GPC6: variants seen among roughly 807,000 people sequenced by gnomAD.
GPC6 encodes glypican-6.
Under a neutral mutation model 55.2 loss-of-function variants are expected in GPC6, and 14 were observed. The ratio of observed to expected loss-of-function variants is 0.25; its 90% CI spans 0.17 to 0.40. The LOEUF (loss-of-function observed/expected upper bound fraction) is 0.40, where lower values mean the gene tolerates loss of function less well. Ranked by LOEUF, GPC6 falls within the 10% of genes least tolerant of loss-of-function variation. The pLI, the probability that GPC6 is intolerant of heterozygous loss-of-function variation, is 1.00. For synonymous variants in GPC6, 278 were observed against 259.6 expected, an observed-to-expected ratio of 1.07 and a Z score of -0.68; for missense variants, 641 against 708.5, an observed-to-expected ratio of 0.90 and a Z score of 1.08.
At chr13:93,714,288 A>C (rs776577030) in intron 2 of GPC6, among the ~76,000 whole-genome samples, 1 of 151,964 alleles carries the variant, frequency 6.6e-6, no homozygotes, top group Non-Finnish European at 1.5e-5. Flanking sequence ...ATGAACAGAC[A>C]CTTTTCAAAA....
At chr13:93,347,494 C>T (rs149522303) in intron 1 of GPC6, among the ~76,000 whole-genome samples, 1 of 152,290 alleles carries the variant, frequency 6.6e-6, no homozygotes, top group Non-Finnish European at 1.5e-5. Flanking sequence ...AATGGTCTCT[C>T]AGTTGTTATT....
intron 3 of GPC6, among the ~76,000 whole-genome samples, chr13:93,852,343 G>A (rs1017038272): frequency 7.3e-5 from 11 of 151,688 alleles, no homozygotes; most frequent in Non-Finnish European, 1.0e-4. Flanking sequence ...AATCAATAAA[G>A]TTCAGCAGAC....
rs1251995973 is a variant in GPC6 at position 93,944,596 on chromosome 13, C to A, written c.712-83133C>A. ...TTTTGCTTGTTTTACAGCCACTAGG[C>A]AGTTAGAAAAGAAATCCCAATCACA... On this transcript the variant is annotated intron_variant, in intron 3 of 8. Transcript: ENST00000377047. Among the ~76,000 whole-genome samples, 5 of 152,092 alleles carry A rather than the reference C, an allele frequency of 3.3e-5. No individual in the cohort carries two copies. In the East Asian group the frequency reaches 9.7e-4, roughly 29 times the overall value.
chr13:93,537,536 TTG>T (rs1771712524), intron 1 of GPC6, among the ~76,000 whole-genome samples: 1 of 146,274 alleles, frequency 6.8e-6, no homozygotes. Context: ...TCTAGTCATT[TTG>T]TGTGTTTACA....
intron 2 of GPC6, among the ~76,000 whole-genome samples, chr13:93,810,986 A>T (rs1483862380): frequency 1.3e-5 from 2 of 152,182 alleles, no homozygotes; most frequent in African/African-American, 4.8e-5. Flanking sequence ...TCCTCTTTCC[A>T]TGAGCAGTGA....
intron 2 of GPC6, among the ~76,000 whole-genome samples, chr13:93,777,653 A>G (rs1472153767): frequency 6.6e-6 from 1 of 152,180 alleles, no homozygotes; most frequent in Non-Finnish European, 1.5e-5. Context: ...ACATTATTTT[A>G]TAGGTTTACG....
At chr13:93,791,777 C>T (rs1167564798) in intron 2 of GPC6, among the ~76,000 whole-genome samples, 1 of 152,120 alleles carries the variant, frequency 6.6e-6, no homozygotes. Context: ...TGGGGCATTA[C>T]GTTTGAAAAG....
At chr13:93,544,168 C>T (rs1213621176) in intron 1 of GPC6, among the ~76,000 whole-genome samples, 1 of 151,492 alleles carries the variant, frequency 6.6e-6, no homozygotes, top group Non-Finnish European at 1.5e-5. Flanking sequence ...GACTTCAAAA[C>T]AGCAAAAGAC....
intron 2 of GPC6, among the ~76,000 whole-genome samples, chr13:93,822,069 G>T (rs1378289207): frequency 6.6e-6 from 1 of 151,012 alleles, no homozygotes; most frequent in African/African-American, 2.4e-5. Flanking sequence ...ATAATATTTT[G>T]CATAAAATAC....
intron 2 of GPC6, among the ~76,000 whole-genome samples, chr13:93,798,079 G>T (rs2138932732): frequency 6.6e-6 from 1 of 152,182 alleles, no homozygotes; most frequent in South Asian, 2.1e-4. Context: ...AGTTACAAGG[G>T]GCAAGCTAGA....
At chr13:93,545,776 G>A (rs1024459030) in intron 2 of GPC6, among the ~76,000 whole-genome samples, 1 of 152,094 alleles carries the variant, frequency 6.6e-6, no homozygotes, top group Non-Finnish European at 1.5e-5. Flanking sequence ...AAAAATAAGC[G>A]TAATTTAAGA....
At chr13:94,281,478 C>A (rs1892380792) in intron 4 of GPC6, among the ~76,000 whole-genome samples, 1 of 152,084 alleles carries the variant, frequency 6.6e-6, no homozygotes, top group African/African-American at 2.4e-5. Context: ...CTTTGAAAAT[C>A]ACTATCTTCT....
chr13:94,226,858 T>C (rs1305773895), intron 4 of GPC6, among the ~76,000 whole-genome samples: 1 of 152,176 alleles, frequency 6.6e-6, no homozygotes, highest in Non-Finnish European at 1.5e-5. Context: ...CCTGGAGCCA[T>C]TCAGTGACTA....
intron 2 of GPC6, among the ~76,000 whole-genome samples, chr13:93,630,169 G>T (rs1015359489): frequency 2.0e-5 from 3 of 152,204 alleles, no homozygotes; most frequent in African/African-American, 7.2e-5. Flanking sequence ...CTGTGCATAT[G>T]ACATAAGCTT....
rs572600574 is a variant in GPC6 at position 93,646,811 on chromosome 13, G to A, written c.319+101390G>A. On this transcript the variant is annotated intron_variant, in intron 2 of 8. Transcript: ENST00000377047. ...CATCCTGTATCATGATGTCTGTGGT[G>A]GAATGAAGAAATAATTAGATTTTTT... Among the ~76,000 whole-genome samples, 38 of 151,744 alleles carry A rather than the reference G, an allele frequency of 2.5e-4. 1 individual carries two copies. In the South Asian group the frequency reaches 6.7e-3, roughly 27 times the overall value.
chr13:93,510,999 A>ATGTGTATATATATATG, intron 1 of GPC6, among the ~76,000 whole-genome samples: 1 of 22,798 alleles, frequency 4.4e-5, no homozygotes, highest in African/African-American at 9.1e-5. Flanking sequence ...ATATATATAT[A>ATGTGTATATATATATG]TATATATTCA....
intron 3 of GPC6, among the ~76,000 whole-genome samples, chr13:93,974,617 A>T (rs1260996264): frequency 6.6e-6 from 1 of 151,090 alleles, no homozygotes; most frequent in Non-Finnish European, 1.5e-5. Context: ...GAAAAGATAA[A>T]CAACCTCCTG....
At chr13:94,102,429 C>T (rs541380444) in intron 4 of GPC6, among the ~76,000 whole-genome samples, 31 of 152,062 alleles carry the variant, frequency 2.0e-4, no homozygotes, top group Non-Finnish European at 3.5e-4. Flanking sequence ...CCCCCAAACC[C>T]ACTCTTCCAA....
At chr13:93,910,417 A>G (rs1188220968) in intron 3 of GPC6, among the ~76,000 whole-genome samples, 2 of 151,976 alleles carry the variant, frequency 1.3e-5, no homozygotes, top group Admixed American at 1.3e-4. Context: ...CTAGTCTCAG[A>G]TATATCTTTA....
Sources: gnomAD v4.1 joint callset for allele counts (sites outside exome capture counted in the v4.1 genomes callset) on GRCh38, gnomAD v4.1.1 for gene constraint, MANE v1.5 for transcripts, NCBI Gene and HGNC (gene_info 2026-07-23, HGNC 2026-07-21) for gene names.